Variants in PLEKHA5 observed in about 807,000 individuals in gnomAD.
PLEKHA5 encodes the protein pleckstrin homology domain-containing family A member 5.
PLEKHA5 carries 55 observed loss-of-function variants against 181.9 expected under a neutral mutation model. The observed-to-expected ratio is 0.30, with a 90% CI of 0.24 to 0.38. The LOEUF (loss-of-function observed/expected upper bound fraction) is 0.38, where lower values mean the gene tolerates loss of function less well. Among genes scored for constraint, PLEKHA5 ranks in the 10% least tolerant of loss-of-function variants. The probability of loss-of-function intolerance (pLI) is 1.00; values close to 1 mark genes in which losing one functional copy is unlikely to be tolerated. For missense variants in PLEKHA5, 1,432 were observed against 1,549.5 expected (o/e 0.92, Z 1.27); for synonymous variants, 535 against 529.4 (o/e 1.01, Z -0.15).
chr12:19,225,329 C>A (rs1036355951), intron 3 of PLEKHA5, among the ~76,000 whole-genome samples: 9 of 152,042 alleles, frequency 5.9e-5, no homozygotes, highest in African/African-American at 2.2e-4. Context: ...AAATTGTGGA[C>A]CAGTGCAGAA....
intron 3 of PLEKHA5, among the ~76,000 whole-genome samples, chr12:19,213,534 G>A (rs1397861942): frequency 6.6e-6 from 1 of 152,166 alleles, no homozygotes; most frequent in Non-Finnish European, 1.5e-5. Flanking sequence ...AGGCTTTGGT[G>A]AGGGTCATTT....
chr12:19,306,441 G>T, intron 15 of PLEKHA5: 1 of 598,668 alleles, frequency 1.7e-6, no homozygotes, highest in Non-Finnish European at 3.2e-6. Flanking sequence ...AGCAGCAGAG[G>T]CTGTAGCATC....
chr12:19,328,843 T>G (rs1430109957), intron 20 of PLEKHA5, among the ~76,000 whole-genome samples: 1 of 152,154 alleles, frequency 6.6e-6, no homozygotes, highest in East Asian at 1.9e-4. Context: ...CTTGCCTGAT[T>G]GCTCTGACTA....
Position 19,143,927 on chromosome 12 carries a change from A to T in PLEKHA5, c.227+11477A>T, listed in dbSNP as rs2038161380. Among the ~76,000 whole-genome samples the T allele has an allele frequency of 2.0e-5, 3 of 151,916 alleles. No individual in the cohort carries two copies. In the South Asian group the frequency reaches 6.2e-4, roughly 32 times the overall value. On this transcript the variant is annotated intron_variant, in intron 3 of 31. Coordinates refer to ENST00000429027, the MANE Select transcript of PLEKHA5 (RefSeq NM_001256470.2). ...CTGTGAGAAAAATGTTTATATGAAT[A>T]CTCTTGTATGCATGTCTGTTTTTTG...
chr12:19,301,655 T>C (rs1157898463), intron 15 of PLEKHA5, among the ~76,000 whole-genome samples: 1 of 152,268 alleles, frequency 6.6e-6, no homozygotes, highest in Non-Finnish European at 1.5e-5. Context: ...AAAGTCTAGC[T>C]ATATCTTTAA....
chr12:19,278,128 A>G (rs1467456437), intron 11 of PLEKHA5, among the ~76,000 whole-genome samples: 2 of 152,244 alleles, frequency 1.3e-5, no homozygotes, highest in Admixed American at 1.3e-4. Context: ...GGATAAAAAT[A>G]AATTTGCTTG....
At position 19,173,005 on chromosome 12, in the gene PLEKHA5, CTTTTTTTTTTTTTTT is replaced by C. The variant is rs71064064; in HGVS notation, c.227+40570_227+40584del. 6.0e-4 allele frequency among the ~76,000 whole-genome samples: 20 copies of C among 33,550 alleles called. No homozygotes were observed. The Admixed American group carries it at 9.4e-3, about 16-fold the overall frequency. 22.0% of individuals were successfully genotyped at this position (33,550 alleles called of 152,430 possible). ...AGAAAATTGCTACTGATTTCCCTTT[CTTTTTTTTTTTTTTT>C]TTTTTTTTTTTTTTGAGACGGAGTC... is the stretch of plus-strand genomic sequence containing the variant. On this transcript the variant is annotated intron_variant, in intron 3 of 31. Transcript: ENST00000429027.
intron 19 of PLEKHA5, 44 bp from the exon 20 acceptor site, chr12:19,322,474 A>G: frequency 6.3e-7 from 1 of 1,599,936 alleles, no homozygotes; most frequent in Non-Finnish European, 8.6e-7. Flanking sequence ...AAGAATTAAT[A>G]CAATGATGCA....
At chr12:19,347,610 T>C (rs962298748) in intron 24 of PLEKHA5, among the ~76,000 whole-genome samples, 2 of 152,052 alleles carry the variant, frequency 1.3e-5, no homozygotes, top group East Asian at 3.9e-4. Context: ...AAGATGTGGA[T>C]GTTGCTAAGG....
intron 21 of PLEKHA5, among the ~76,000 whole-genome samples, chr12:19,340,235 A>T (rs1367016708): frequency 6.6e-6 from 1 of 152,132 alleles, no homozygotes; most frequent in Non-Finnish European, 1.5e-5. Context: ...CTTTAGAAAA[A>T]CATACAAAAA....
At chr12:19,256,569 A>AT (rs2066930595) in intron 5 of PLEKHA5, among the ~76,000 whole-genome samples, 1 of 152,202 alleles carries the variant, frequency 6.6e-6, no homozygotes, top group Admixed American at 6.5e-5. Flanking sequence ...TTGAAAGTAA[A>AT]TTAAAATCTA....
chr12:19,307,532 T>C, intron 15 of PLEKHA5: 1 of 312,826 alleles, frequency 3.2e-6, no homozygotes, highest in Non-Finnish European at 6.4e-6. Context: ...TAATTTCGGC[T>C]GCTATAGAAC....
intron 3 of PLEKHA5, among the ~76,000 whole-genome samples, chr12:19,138,582 A>AG (rs1331347872): frequency 6.6e-6 from 1 of 151,856 alleles, no homozygotes; most frequent in Non-Finnish European, 1.5e-5. Context: ...CAAAAAAAAA[A>AG]AAAAAAGAAG....
rs377348128 is a variant in PLEKHA5 at position 19,153,454 on chromosome 12, G to A, written c.227+21004G>A. ...AAGTTAATAAAGTTTGTATTTTTTA[G>A]AGCACTTTTAGGTTCATGGCAAAAT... On this transcript the variant is annotated intron_variant, in intron 3 of 31. Coordinates refer to ENST00000429027, the MANE Select transcript of PLEKHA5 (RefSeq NM_001256470.2). 9 of 151,992 alleles carry A rather than the reference G, an allele frequency of 5.9e-5. No homozygotes were observed. The South Asian group carries it at 1.9e-3, about 32-fold the overall frequency. The allele number at this position is 151,992 out of a possible 1,614,324, so 9.4% of individuals were successfully genotyped here. A position where few individuals can be genotyped will look rare whatever the true frequency, so the allele number is the denominator to read the frequency against.
intron 3 of PLEKHA5, among the ~76,000 whole-genome samples, chr12:19,248,486 A>T (rs1419516485): frequency 6.6e-6 from 1 of 151,994 alleles, no homozygotes; most frequent in South Asian, 2.1e-4. Context: ...GCTTAATACC[A>T]TATTTTTTAA....
rs1462328235 is a variant in PLEKHA5, at chr12:19,129,790, G to T, written c.-10G>T. On this transcript the variant is annotated 5_prime_UTR_variant, in exon 1 of 32. In the 5' UTR this introduces an upstream ATG that the reference lacks. Coordinates refer to ENST00000429027, the MANE Select transcript of PLEKHA5 (RefSeq NM_001256470.2). ...CAGGAGAAGGCGGCGGCGGCGGCTA[G>T]GGATCAGACATGGCGGCGGATCTGA... is the stretch of plus-strand genomic sequence containing the variant. The T allele has an allele frequency of 6.3e-7, 1 of 1,591,190 alleles. No homozygotes were observed. The highest frequency in any genetic ancestry group is 1.1e-5 in the South Asian group (1 of 89,424).
intron 3 of PLEKHA5, among the ~76,000 whole-genome samples, chr12:19,133,911 C>T (rs1565849977): frequency 6.6e-6 from 1 of 151,972 alleles, no homozygotes; most frequent in African/African-American, 2.4e-5. Context: ...AAAAGGGATA[C>T]TTCTTTTCTT....
intron 12 of PLEKHA5, among the ~76,000 whole-genome samples, chr12:19,284,253 G>A (rs1026909524): frequency 6.6e-6 from 1 of 152,038 alleles, no homozygotes; most frequent in African/African-American, 2.4e-5. Flanking sequence ...ATTTTTAGTA[G>A]AGATGTGGTT....
chr12:19,359,602 A>G, intron 28 of PLEKHA5, 56 bp downstream of exon 28: 1 of 1,482,750 alleles, frequency 6.7e-7, no homozygotes, highest in Non-Finnish European at 9.4e-7. Flanking sequence ...TGAAGATTAA[A>G]TCAAGTGGTA....
Sources: gnomAD v4.1 joint callset for allele counts (sites outside exome capture counted in the v4.1 genomes callset) on GRCh38, gnomAD v4.1.1 for gene constraint, MANE v1.5 for transcripts, NCBI Gene and HGNC (gene_info 2026-07-23, HGNC 2026-07-21) for gene names.